EVC: variants seen among roughly 807,000 people sequenced by gnomAD.
EVC encodes EvC ciliary complex subunit 1.
EVC carries 116 observed loss-of-function variants against 118.9 expected under a neutral mutation model. The ratio of observed to expected loss-of-function variants is 0.98; its 90% CI spans 0.84 to 1.14. The LOEUF is 1.14. Among genes scored for constraint, EVC ranks in the 50% most tolerant of loss-of-function variants. The pLI, the probability that EVC is intolerant of heterozygous loss-of-function variation, is 0.00. For missense variants in EVC, 1,401 were observed against 1,246.4 expected (o/e 1.12, Z -1.87); for synonymous variants, 619 against 534.7 (o/e 1.16, Z -2.18).
At chr4:5,810,090 GC>G (rs1288974474) in intron 19 of EVC, among the ~76,000 whole-genome samples, 4 of 152,224 alleles carry the variant, frequency 2.6e-5, no homozygotes, top group African/African-American at 9.6e-5. Flanking sequence ...CCCAGCGGGA[GC>G]CTAGCAGACT....
chr4:5,824,202 C>T, the EVC span: 1 of 728,798 alleles, frequency 1.4e-6, no homozygotes, highest in Non-Finnish European at 1.7e-6. Context: ...TTTGCAAACT[C>T]CTTGAGAGCT....
chr4:5,772,043 A>G (rs1010672336), intron 11 of EVC, among the ~76,000 whole-genome samples: 3 of 151,862 alleles, frequency 2.0e-5, no homozygotes, highest in Non-Finnish European at 2.9e-5. Flanking sequence ...GACTACAGGC[A>G]CCGCCACCAC....
At chr4:5,733,950 G>C (rs149927189) in intron 5 of EVC, among the ~76,000 whole-genome samples, 1 of 152,108 alleles carries the variant, frequency 6.6e-6, no homozygotes, top group Admixed American at 6.5e-5. Context: ...TGCAGGAGTG[G>C]CACTGAGATG....
the EVC span, chr4:5,828,528 G>A: frequency 2.0e-5 from 32 of 1,614,256 alleles, no homozygotes; most frequent in Non-Finnish European, 2.5e-5. Context: ...GGTGCTCCGG[G>A]AACGCCTTCC....
chr4:5,717,778 C>G (rs1367817251), intron 1 of EVC, among the ~76,000 whole-genome samples: 1 of 152,218 alleles, frequency 6.6e-6, no homozygotes, highest in African/African-American at 2.4e-5. Context: ...TCAAATGCCG[C>G]TTTGTCCAAG....
rs912969560 is a variant in EVC at position 5,748,310 on chromosome 4, A to G, written c.1098+4A>G. 1.2e-6 allele frequency: 2 copies of G among 1,614,028 alleles called. No individual in the cohort carries two copies. Among genetic ancestry groups the G allele is most frequent in the Admixed American group, 1.7e-5 (1 of 60,014 alleles). ...TTCTCAGGAGCTGCAGGCTCTGGTAATGCTGGAGGGGGCGGGAGGGAACAT... is the reference window on the plus strand; with the variant it reads ...TTCTCAGGAGCTGCAGGCTCTGGTAGTGCTGGAGGGGGCGGGAGGGAACAT... On this transcript the variant is annotated splice_donor_region_variant and intron_variant, in intron 8 of 20. Transcript: ENST00000264956.
At chr4:5,774,230 C>G (rs1560384495) in intron 11 of EVC, among the ~76,000 whole-genome samples, 1 of 151,622 alleles carries the variant, frequency 6.6e-6, no homozygotes, top group Non-Finnish European at 1.5e-5. Flanking sequence ...CTCCCCTCCT[C>G]CTGCTTGCCT....
At chr4:5,785,423 A>G (rs990635889) in intron 12 of EVC, among the ~76,000 whole-genome samples, 1 of 152,234 alleles carries the variant, frequency 6.6e-6, no homozygotes, top group Admixed American at 6.5e-5. Context: ...AGTGTGACTG[A>G]TGCATCCATC....
rs1560425032 is a variant in EVC, at chr4:5,797,120, T to TG, written c.1986dup (p.Arg663AlafsTer104). On this transcript the variant is annotated frameshift_variant, in exon 14 of 21. Transcript: ENST00000264956. LOFTEE classifies it high-confidence loss of function. Reference sequence around the variant, plus strand: ...AACGCCCTGGCCACCCTGACGCAGATGCGGCTATCGGGGAAGAAGCACCTC... The same window carrying TG: ...AACGCCCTGGCCACCCTGACGCAGATGGCGGCTATCGGGGAAGAAGCACCTC... 1 of 1,613,598 alleles carries TG rather than the reference T, an allele frequency of 6.2e-7. No individual in the cohort carries two copies. Among genetic ancestry groups the TG allele is most frequent in the Admixed American group, 1.7e-5 (1 of 60,028 alleles).
Position 5,801,990 on chromosome 4 carries a change from C to T in EVC, c.2345C>T (p.Thr782Ile), listed in dbSNP as rs374146790. The change falls in exon 16 of 21, where the codon ACC becomes ATC. Residue 782 changes from threonine (T) to isoleucine (I), a missense_variant. Coordinates refer to ENST00000264956, the MANE Select transcript of EVC (RefSeq NM_153717.3). ...GCGGCAGTGGAGAGCGTCTACGTGA[C>T]CAGCGCTGGTGTCAGCCGCCTGGTG... is the stretch of plus-strand genomic sequence containing the variant. ...MEAAVESVYV[T>I]SAGVSRLVQA... 23 of 1,613,984 alleles carry T rather than the reference C, an allele frequency of 1.4e-5. No homozygotes were observed. The highest frequency in any genetic ancestry group is 1.8e-5 in the Non-Finnish European group (21 of 1,180,032).
At position 5,756,437 on chromosome 4, in the gene EVC, C is replaced by A. The variant is rs1731188209; in HGVS notation, c.1563+75C>A. On this transcript the variant is annotated intron_variant, in intron 11 of 20. Transcript: ENST00000264956. This position sits in a 1 kb window ranked among gnomAD's most constrained non-coding sequence, Gnocchi z 4.2. ...GTGCGAGAACCTCACATCCTCCTGG[C>A]TGGGGACCCCAGAGGTGGTTCAGGT... The A allele has an allele frequency of 6.1e-6, 8 of 1,318,070 alleles. No homozygotes were observed. The highest frequency in any genetic ancestry group is 7.5e-6 in the Non-Finnish European group (7 of 935,994). The allele number at this position is 1,318,070 out of a possible 1,614,324, so 81.6% of individuals were successfully genotyped here.
chr4:5,721,828 C>T (rs1358970041), intron 2 of EVC, among the ~76,000 whole-genome samples: 2 of 152,162 alleles, frequency 1.3e-5, no homozygotes, highest in Non-Finnish European at 2.9e-5. Flanking sequence ...GATTGTGCCA[C>T]TGCACTCCAG....
At chr4:5,791,642 A>C (rs567367114) in intron 12 of EVC, among the ~76,000 whole-genome samples, 11 of 152,264 alleles carry the variant, frequency 7.2e-5, no homozygotes, top group Non-Finnish European at 1.0e-4. Flanking sequence ...AGAGAAAAGA[A>C]TAGCCCCTCC....
intron 8 of EVC, among the ~76,000 whole-genome samples, chr4:5,750,656 A>AG (rs1730209193): frequency 6.6e-6 from 1 of 152,162 alleles, no homozygotes; most frequent in Non-Finnish European, 1.5e-5. Flanking sequence ...AGGGTAGTTG[A>AG]GGGTGTTAAA....
At chr4:5,817,729 C>T (rs1238943691), downstream of EVC, among the ~76,000 whole-genome samples, 2 of 152,194 alleles carry the variant, frequency 1.3e-5, no homozygotes, top group East Asian at 1.9e-4. Context: ...GGGTTACGCA[C>T]TTACGTCAGA....
Position 5,804,138 on chromosome 4 carries a change from A to T in EVC, c.2450-592A>T, listed in dbSNP as rs1715472353. ...CTTTTAGTAGAGACAGGGTTTCACC[A>T]TGTTGGCCAGGCTGGTCTCGAACTC... On this transcript the variant is annotated intron_variant, in intron 16 of 20. Transcript: ENST00000264956. 2.0e-5 allele frequency among the ~76,000 whole-genome samples: 3 copies of T among 152,222 alleles called. No individual in the cohort carries two copies. In the South Asian group the frequency reaches 6.2e-4, roughly 32 times the overall value.
chr4:5,827,744 C>CACACACACACACACAT, the EVC span, among the ~76,000 whole-genome samples: 3 of 148,072 alleles, frequency 2.0e-5, no homozygotes, highest in African/African-American at 7.8e-5. Context: ...CACACACACA[C>CACACACACACACACAT]ACACACACAC....
At chr4:5,748,056 A>G in intron 7 of EVC, 92 bp from the exon 8 acceptor site, 1 of 1,329,752 alleles carries the variant, frequency 7.5e-7, no homozygotes, top group Non-Finnish European at 1.1e-6. Context: ...TGTTTGTGAT[A>G]GGGAGTGAAT....
the EVC span, chr4:5,821,574 A>T: frequency 1.7e-6 from 1 of 605,694 alleles, no homozygotes; most frequent in African/African-American, 1.8e-5. This position sits in a 1 kb window ranked among gnomAD's most constrained non-coding sequence, Gnocchi z 4.4. Context: ...TGGGGCAAGG[A>T]ATTTCCAAGC....
Sources: allele counts gnomAD v4.1 joint callset (sites outside exome capture counted in the v4.1 genomes callset), GRCh38; gene constraint gnomAD v4.1.1; non-coding constraint Gnocchi (gnomAD v3.1); transcripts MANE v1.5; gene names NCBI Gene and HGNC (gene_info 2026-07-23, HGNC 2026-07-21).